Variants in SCN10A observed in about 807,000 individuals in gnomAD.
SCN10A encodes sodium voltage-gated channel alpha subunit 10.
In SCN10A, 162 loss-of-function variants were observed where a neutral mutation model predicts 170.7. The observed-to-expected ratio is 0.95, with a 90% CI of 0.84 to 1.08. The LOEUF (loss-of-function observed/expected upper bound fraction) is 1.08. Ranked by LOEUF, SCN10A falls within the 50% of genes least tolerant of loss-of-function variation. The pLI is 0.00. For missense variants in SCN10A, 2,527 were observed against 2,436.9 expected (o/e 1.04, Z -0.78); for synonymous variants, 985 against 904.6 (o/e 1.09, Z -1.59).
intron 5 of SCN10A, among the ~76,000 whole-genome samples, chr3:38,763,908 G>T (rs146985578): frequency 6.6e-6 from 1 of 152,332 alleles, no homozygotes; most frequent in African/African-American, 2.4e-5. Flanking sequence ...CGCCATGTCA[G>T]GGGGGTACAA....
chr3:38,704,904 CA>C (rs765586176), intron 26 of SCN10A, among the ~76,000 whole-genome samples: 1 of 152,164 alleles, frequency 6.6e-6, no homozygotes, highest in African/African-American at 2.4e-5. Context: ...ATAATCTGGC[CA>C]AAAGCAAGCT....
chr3:38,756,630 G>T, intron 10 of SCN10A, 44 bp downstream of exon 10: 1 of 1,511,128 alleles, frequency 6.6e-7, no homozygotes. Flanking sequence ...TCCAAGAATG[G>T]ACAGTCTGCA....
intron 13 of SCN10A, among the ~76,000 whole-genome samples, chr3:38,744,227 AG>A (rs1018908354): frequency 6.6e-6 from 1 of 152,094 alleles, no homozygotes; most frequent in Non-Finnish European, 1.5e-5. Flanking sequence ...CTGGAGTGGG[AG>A]GGGGGTGCAC....
chr3:38,794,255 G>T (rs1032213908), intron 1 of SCN10A, among the ~76,000 whole-genome samples: 7 of 152,004 alleles, frequency 4.6e-5, no homozygotes, highest in Non-Finnish European at 8.8e-5. Context: ...GTGCCTCAGG[G>T]TTATGTCTTT....
intron 21 of SCN10A, among the ~76,000 whole-genome samples, chr3:38,715,595 C>T (rs758424092): frequency 2.6e-5 from 4 of 152,168 alleles, no homozygotes; most frequent in African/African-American, 7.2e-5. Context: ...TTAGCTAAGA[C>T]GGGCCTTCCC....
intron 4 of SCN10A, among the ~76,000 whole-genome samples, chr3:38,774,745 G>T (rs933085799): frequency 1.3e-5 from 2 of 152,132 alleles, no homozygotes; most frequent in East Asian, 3.8e-4. Flanking sequence ...CTCTGTGTAA[G>T]CCCTTCCCAT....
chr3:38,736,359 C>CTG (rs2063560206), intron 15 of SCN10A, among the ~76,000 whole-genome samples: 2 of 91,570 alleles, frequency 2.2e-5, no homozygotes, highest in Middle Eastern at 6.3e-3. Flanking sequence ...AATAGGGAAA[C>CTG]TCTGTGTGTG....
rs1402797264 is a variant in SCN10A, at chr3:38,739,292, A to T, written c.2280+223T>A. Among the ~76,000 whole-genome samples, 3 of 152,158 alleles carry T rather than the reference A, an allele frequency of 2.0e-5. No individual in the cohort carries two copies. In the East Asian group the frequency reaches 5.8e-4, roughly 29 times the overall value. On this transcript the variant is annotated intron_variant, in intron 15 of 27. Transcript: ENST00000449082. ...GCTTGGAAGTCCCCTCTTGGTGCAG[A>T]TAAGGGAGCCAAGGCCCAGAAAGGA...
At chr3:38,792,807 A>C (rs2064300268) in intron 2 of SCN10A, among the ~76,000 whole-genome samples, 1 of 152,170 alleles carries the variant, frequency 6.6e-6, no homozygotes, top group South Asian at 2.1e-4. Context: ...AATTGTCATG[A>C]AGAAGCTCTT....
At chr3:38,708,317 T>C (rs1378667972) in intron 25 of SCN10A, among the ~76,000 whole-genome samples, 4 of 152,172 alleles carry the variant, frequency 2.6e-5, no homozygotes, top group Non-Finnish European at 5.9e-5. Context: ...GACCCCAGCC[T>C]GGTCACTAGC....
intron 27 of SCN10A, among the ~76,000 whole-genome samples, chr3:38,699,205 T>G (rs1192785189): frequency 5.9e-5 from 9 of 151,810 alleles, no homozygotes; most frequent in Admixed American, 1.3e-4. Flanking sequence ...TTTGTTTTTT[T>G]TTTTTTTTTT....
intron 11 of SCN10A, 60 bp from the exon 12 acceptor site, chr3:38,752,572 C>A: frequency 1.5e-6 from 2 of 1,362,068 alleles, no homozygotes; most frequent in African/African-American, 1.5e-5. Flanking sequence ...AAATCTAGAG[C>A]CCAACACTTC....
chr3:38,750,599 T>G (rs564377275), intron 12 of SCN10A, among the ~76,000 whole-genome samples: 1 of 152,350 alleles, frequency 6.6e-6, no homozygotes, highest in East Asian at 1.9e-4. Context: ...GGCACTTTGT[T>G]ATTTCATTTA....
intron 21 of SCN10A, among the ~76,000 whole-genome samples, chr3:38,714,887 T>C (rs2063319178): frequency 6.6e-6 from 1 of 152,216 alleles, no homozygotes; most frequent in Non-Finnish European, 1.5e-5. Context: ...AGATACGGGC[T>C]ATGACCCTGT....
At chr3:38,755,985 C>A in intron 10 of SCN10A, 27 bp from the exon 11 acceptor site, 1 of 1,613,732 alleles carries the variant, frequency 6.2e-7, no homozygotes, top group South Asian at 1.1e-5. Flanking sequence ...GCAGGTGTAG[C>A]CAATAGTATT....
intron 26 of SCN10A, 139 bp downstream of exon 26, chr3:38,707,140 C>T: frequency 2.4e-6 from 2 of 816,938 alleles, no homozygotes; most frequent in Non-Finnish European, 1.9e-6. Flanking sequence ...CCTAGGAACC[C>T]TCATCACCCT....
chr3:38,768,248 A>G (rs1430805889), intron 5 of SCN10A, among the ~76,000 whole-genome samples: 1 of 151,864 alleles, frequency 6.6e-6, no homozygotes, highest in Non-Finnish European at 1.5e-5. Context: ...ACTCAACATC[A>G]GTATTGAGAT....
Position 38,739,499 on chromosome 3 carries a change from A to G in SCN10A, c.2280+16T>C. Reference sequence around the variant, plus strand: ...TGGGTGGGAGTTTCCCCAAGCCATCAAGAGAAAAACATTACCAAGCGGAAG... The same window carrying G: ...TGGGTGGGAGTTTCCCCAAGCCATCGAGAGAAAAACATTACCAAGCGGAAG... On this transcript the variant is annotated intron_variant, in intron 15 of 27. Coordinates refer to ENST00000449082, the MANE Select transcript of SCN10A (RefSeq NM_006514.4). 1.2e-6 allele frequency: 2 copies of G among 1,610,266 alleles called. No homozygotes were observed. Among genetic ancestry groups the G allele is most frequent in the Non-Finnish European group, 1.7e-6 (2 of 1,177,780 alleles).
Position 38,763,565 on chromosome 3 carries a change from T to A in SCN10A, c.631A>T (p.Ile211Phe). 1.2e-6 allele frequency: 2 copies of A among 1,614,098 alleles called. No individual in the cohort carries two copies. Among genetic ancestry groups the A allele is most frequent in the Non-Finnish European group, 1.7e-6 (2 of 1,179,958 alleles). Residue 211 changes from isoleucine to phenylalanine, a missense_variant, in exon 6 of 28, where the codon ATC (isoleucine) becomes TTC (phenylalanine). Physicochemically the swap from Ile to Phe is conservative, Grantham distance 21 (BLOSUM62 0). Transcript: ENST00000449082. ...YVGTAIDLRG[I>F]SGLRTFRVLR... ...ACTCTGAATGTCCGCAGGCCTGAGATCCCACGGAGATCTATTGCTGTGCCA... is the reference window on the plus strand; with the variant it reads ...ACTCTGAATGTCCGCAGGCCTGAGAACCCACGGAGATCTATTGCTGTGCCA...
Sources: gnomAD v4.1 joint callset for allele counts (sites outside exome capture counted in the v4.1 genomes callset) on GRCh38, gnomAD v4.1.1 for gene constraint, MANE v1.5 for transcripts, NCBI Gene and HGNC (gene_info 2026-07-23, HGNC 2026-07-21) for gene names.